GINS1: variants seen among roughly 807,000 people sequenced by gnomAD.
GINS1 encodes the protein DNA replication complex GINS protein PSF1.
A neutral mutation model predicts 34.9 loss-of-function variants in GINS1; 26 were observed. That is an observed-to-expected ratio of 0.74 (90% confidence interval 0.55 to 1.03). GINS1 has a LOEUF of 1.03. Among genes scored for constraint, GINS1 ranks in the 50% least tolerant of loss-of-function variants. The probability of loss-of-function intolerance (pLI) is 0.00; values close to 1 mark genes in which losing one functional copy is unlikely to be tolerated. For synonymous variants in GINS1, 97 were observed against 84.4 expected, an observed-to-expected ratio of 1.15 and a Z score of -0.82; for missense variants, 235 against 237.9, an observed-to-expected ratio of 0.99 and a Z score of 0.08.
chr20:25,431,277 G>A (rs2090425417), intron 5 of GINS1, among the ~76,000 whole-genome samples: 1 of 152,052 alleles, frequency 6.6e-6, no homozygotes, highest in African/African-American at 2.4e-5. Flanking sequence ...TTTGATTTTA[G>A]TAATTTGAGC....
intron 1 of GINS1, among the ~76,000 whole-genome samples, 166 bp downstream of exon 1, chr20:25,408,061 C>G (rs758567884): frequency 1.3e-5 from 2 of 152,262 alleles, no homozygotes; most frequent in Non-Finnish European, 2.9e-5. Flanking sequence ...AGCATTCATG[C>G]TTACGCTACC....
At chr20:25,436,261 C>T (rs1220837148) in intron 5 of GINS1, among the ~76,000 whole-genome samples, 1 of 152,152 alleles carries the variant, frequency 6.6e-6, no homozygotes, top group Non-Finnish European at 1.5e-5. Context: ...CCCTCTCTTG[C>T]TGCTTTCAAG....
At chr20:25,417,063 G>A in intron 2 of GINS1, 41 bp from the exon 3 acceptor site, 1 of 914,496 alleles carries the variant, frequency 1.1e-6, no homozygotes. Context: ...TACTTATCCT[G>A]AAAAGTACAT....
In GINS1 at chr20:25,407,786, G is replaced by T. The variant is rs772315974; in HGVS notation, c.-35G>T. ...ATACCATTTTGGCGTGAGAGCTGGT[G>T]GTTGGCAAGGCCGCGGGAGTGGGAA... On this transcript the variant is annotated 5_prime_UTR_variant, in exon 1 of 7. Coordinates refer to ENST00000262460, the MANE Select transcript of GINS1 (RefSeq NM_021067.5). The T allele has an allele frequency of 1.3e-6, 2 of 1,569,472 alleles. No individual in the cohort carries two copies. Among genetic ancestry groups the T allele is most frequent in the African/African-American group, 2.7e-5 (2 of 74,124 alleles).
In GINS1 at chr20:25,407,918, C is replaced by T. The variant is rs146938490; in HGVS notation, c.75+23C>T. The T allele has an allele frequency of 5.3e-3, 8,346 of 1,579,790 alleles. 36 individuals are homozygous for T. The highest frequency in any genetic ancestry group is 9.3e-3 in the South Asian group (839 of 90,204). ...AACGTGAGGGGCGGGTAGACTTGGA[C>T]GGGGCATGCCGGCGTTGGGCCCTGG... On this transcript the variant is annotated intron_variant, in intron 1 of 6. Transcript: ENST00000262460.
intron 1 of GINS1, among the ~76,000 whole-genome samples, chr20:25,409,530 T>G (rs2090270020): frequency 6.6e-6 from 1 of 152,140 alleles, no homozygotes; most frequent in Non-Finnish European, 1.5e-5. Context: ...GGAAACTGGG[T>G]AAACAACATC....
rs1169484518 is a variant in GINS1 at position 25,447,045 on chromosome 20, GTTTC to G, written c.*1058_*1061del. ...TTTGTTTTGTTTTGTTTTTTCGTTTGTTTCTTTGTTTTGAGATGGAGTCTTGTTC... is the reference window on the plus strand; with the variant it reads ...TTTGTTTTGTTTTGTTTTTTCGTTTGTTTGTTTTGAGATGGAGTCTTGTTC... On this transcript the variant is annotated 3_prime_UTR_variant, in exon 7 of 7. Coordinates refer to ENST00000262460, the MANE Select transcript of GINS1 (RefSeq NM_021067.5). The G allele has an allele frequency of 6.9e-6, 1 of 144,194 alleles. No homozygotes were observed. The highest frequency in any genetic ancestry group is 2.6e-5 in the African/African-American group (1 of 38,824). 8.9% of individuals were successfully genotyped at this position (144,194 alleles called of 1,614,324 possible). A position where few individuals can be genotyped will look rare whatever the true frequency, so the allele number is the denominator to read the frequency against.
At chr20:25,408,719 A>G (rs886847914) in intron 1 of GINS1, among the ~76,000 whole-genome samples, 2 of 152,186 alleles carry the variant, frequency 1.3e-5, no homozygotes, top group Admixed American at 1.3e-4. Flanking sequence ...TTTGATGTTT[A>G]AACTATTGTT....
At chr20:25,427,473 C>T (rs1415534970) in intron 5 of GINS1, among the ~76,000 whole-genome samples, 1 of 152,202 alleles carries the variant, frequency 6.6e-6, no homozygotes, top group East Asian at 1.9e-4. Context: ...CATGAGTCAC[C>T]ATGCCTGGCC....
intron 4 of GINS1, among the ~76,000 whole-genome samples, chr20:25,422,432 A>C (rs995544189): frequency 1.3e-5 from 2 of 151,188 alleles, no homozygotes; most frequent in African/African-American, 4.9e-5. Flanking sequence ...AAAAAAAAAC[A>C]AAAAAAAACT....
chr20:25,407,947 C>CT (rs1436377194), intron 1 of GINS1, 52 bp downstream of exon 1: 9 of 1,354,880 alleles, frequency 6.6e-6, no homozygotes, highest in Non-Finnish European at 9.5e-6. Flanking sequence ...GCCCTGGGCT[C>CT]TGGGGCGGGG....
chr20:25,410,809 C>T (rs2090279925), intron 1 of GINS1, among the ~76,000 whole-genome samples: 1 of 152,074 alleles, frequency 6.6e-6, no homozygotes, highest in African/African-American at 2.4e-5. Context: ...GCGATCCACC[C>T]ACCTCAGCCT....
intron 4 of GINS1, among the ~76,000 whole-genome samples, chr20:25,423,868 CCT>C (rs1181369808): frequency 6.6e-6 from 1 of 151,450 alleles, no homozygotes; most frequent in Non-Finnish European, 1.5e-5. Context: ...CCCGCCTCGG[CCT>C]CTCAAAGTTC....
intron 5 of GINS1, among the ~76,000 whole-genome samples, chr20:25,434,929 C>T (rs938011141): frequency 2.6e-5 from 4 of 152,220 alleles, no homozygotes; most frequent in Non-Finnish European, 5.9e-5. Context: ...CAAACTCCTT[C>T]CATCAAGTCA....
rs547542438 is a variant in GINS1 at position 25,446,829 on chromosome 20, T to G, written c.*838T>G. On this transcript the variant is annotated 3_prime_UTR_variant, in exon 7 of 7. Coordinates refer to ENST00000262460, the MANE Select transcript of GINS1 (RefSeq NM_021067.5). Reference sequence around the variant, plus strand: ...GTCACATGAAGAGTTGATTGTCTTTTAATGGTATGTTTTAAACAGCTGACA... The same window carrying G: ...GTCACATGAAGAGTTGATTGTCTTTGAATGGTATGTTTTAAACAGCTGACA... 1 of 152,358 alleles carries G rather than the reference T, an allele frequency of 6.6e-6. No individual in the cohort carries two copies. Among genetic ancestry groups the G allele is most frequent in the South Asian group, 2.1e-4 (1 of 4,830 alleles). 9.4% of individuals were successfully genotyped at this position (152,358 alleles called of 1,614,324 possible).
Position 25,426,028 on chromosome 20 carries a change from C to T in GINS1, c.447+701C>T, listed in dbSNP as rs1031635487. On this transcript the variant is annotated intron_variant, in intron 5 of 6. Transcript: ENST00000262460. ...CCCATTAAACAATAACTTCTCAATA[C>T]CCCTGCCTCCCATCCCCCAGCAACC... 2.0e-5 allele frequency among the ~76,000 whole-genome samples: 3 copies of T among 152,114 alleles called. No individual in the cohort carries two copies. In the East Asian group the frequency reaches 5.8e-4, roughly 29 times the overall value.
At chr20:25,445,900 T>G in intron 6 of GINS1, 23 bp from the exon 7 acceptor site, 4 of 1,451,214 alleles carry the variant, frequency 2.8e-6, no homozygotes, top group Non-Finnish European at 3.8e-6. Flanking sequence ...TTACTCTTTC[T>G]CCATCCCTTC....
chr20:25,427,954 C>A (rs2090401753), intron 5 of GINS1, among the ~76,000 whole-genome samples: 1 of 148,450 alleles, frequency 6.7e-6, no homozygotes, highest in Non-Finnish European at 1.5e-5. Flanking sequence ...TCACTGCAAC[C>A]CCTGCTTCCT....
Position 25,419,606 on chromosome 20 carries a change from A to C in GINS1, c.330+1411A>C, listed in dbSNP as rs1039218019. The C allele has an allele frequency of 1.5e-5, 12 of 790,818 alleles. No individual in the cohort carries two copies. In the African/African-American group the frequency reaches 1.7e-4, roughly 11 times the overall value. The allele number at this position is 790,818 out of a possible 1,614,324, so 49.0% of individuals were successfully genotyped here. On this transcript the variant is annotated intron_variant, in intron 4 of 6. Transcript: ENST00000262460. ...ATTATGGTGAGATGAACAGAACATTATGTTTCTCTAACGACAGTAGCTTTA... is the reference window on the plus strand; with the variant it reads ...ATTATGGTGAGATGAACAGAACATTCTGTTTCTCTAACGACAGTAGCTTTA...
Sources: gnomAD v4.1 joint callset for allele counts (sites outside exome capture counted in the v4.1 genomes callset) on GRCh38, gnomAD v4.1.1 for gene constraint, MANE v1.5 for transcripts, NCBI Gene and HGNC (gene_info 2026-07-23, HGNC 2026-07-21) for gene names.